The following PDXDC1 variants were observed in gnomAD, a reference collection of about 807,000 sequenced individuals.
PDXDC1 encodes the protein pyridoxal dependent decarboxylase domain containing 1, also known as pyridoxal-dependent decarboxylase domain-containing protein 1.
PDXDC1 carries 42 observed loss-of-function variants against 100.1 expected under a neutral mutation model. That is an observed-to-expected ratio of 0.42 (90% CI 0.33 to 0.54). The LOEUF (loss-of-function observed/expected upper bound fraction) is 0.54. Ranked by LOEUF, PDXDC1 falls within the 20% of genes least tolerant of loss-of-function variation. The probability of loss-of-function intolerance (pLI) is 0.10; values close to 1 mark genes in which losing one functional copy is unlikely to be tolerated. For synonymous variants in PDXDC1, 260 were observed against 371.7 expected, an observed-to-expected ratio of 0.70 and a Z score of 3.46; for missense variants, 636 against 979.2, an observed-to-expected ratio of 0.65 and a Z score of 4.68.
At position 15,131,123 on chromosome 16, in the gene PDXDC1, C is replaced by A. The variant is rs758466541; in HGVS notation, c.1400-7756C>A. ...GTATAGTTGAGCTGCAGATGCAGCA[C>A]GGCCGCAGGGTTGCTGCTGTCCAGG... On this transcript the variant is annotated intron_variant, in intron 16 of 16. Transcript: ENST00000535621. 4 of 1,604,706 alleles carry A rather than the reference C, an allele frequency of 2.5e-6. No individual in the cohort carries two copies. In the African/African-American group the frequency reaches 5.3e-5, roughly 21 times the overall value.
At chr16:14,991,698 T>A (rs1970886408) in intron 1 of PDXDC1, among the ~76,000 whole-genome samples, 1 of 152,240 alleles carries the variant, frequency 6.6e-6, no homozygotes, top group Admixed American at 6.5e-5. Context: ...TTTTTTGTAT[T>A]TTTTGTAGAG....
chr16:15,089,867 G>A (rs1401056482), intron 16 of PDXDC1, among the ~76,000 whole-genome samples: 1 of 150,942 alleles, frequency 6.6e-6, no homozygotes, highest in Admixed American at 6.6e-5. Context: ...TTAAGAAGTG[G>A]GTGGCCAACA....
chr16:14,991,771 C>CT (rs1156733703), intron 1 of PDXDC1, among the ~76,000 whole-genome samples: 3 of 152,264 alleles, frequency 2.0e-5, no homozygotes, highest in African/African-American at 7.2e-5. Context: ...ATCCTCCTTC[C>CT]TTGACCTCTC....
At chr16:15,032,608 C>A (rs2043131662) in intron 17 of PDXDC1, 1 of 350,342 alleles carries the variant, frequency 2.9e-6, no homozygotes, top group African/African-American at 2.2e-5. Context: ...GAGCCAAGAT[C>A]ATGCCACTGC....
chr16:15,101,411 G>A (rs1184313221), intron 16 of PDXDC1, among the ~76,000 whole-genome samples: 1 of 152,182 alleles, frequency 6.6e-6, no homozygotes, highest in Non-Finnish European at 1.5e-5. Context: ...CTGCCTCCAA[G>A]ATGCAAATGA....
chr16:15,080,711 T>G (rs1423462854), intron 16 of PDXDC1, among the ~76,000 whole-genome samples: 2 of 152,200 alleles, frequency 1.3e-5, no homozygotes, highest in Non-Finnish European at 2.9e-5. Context: ...CATAAGCCAC[T>G]GCGCCCAGCC....
In PDXDC1 at chr16:15,111,823, C is replaced by T. The variant is rs372552129; in HGVS notation, c.1400-27056C>T. On this transcript the variant is annotated intron_variant, in intron 16 of 16. Transcript: ENST00000535621. ...CACAACTGAACTGTACACTTCAACA[C>T]GGTTAGATGGTAATTATCATCTTGT... Among the ~76,000 whole-genome samples, 7 of 147,546 alleles carry T rather than the reference C, an allele frequency of 4.7e-5. No homozygotes were observed. The South Asian group carries it at 1.1e-3, about 23-fold the overall frequency.
chr16:14,992,889 T>A (rs140277827), intron 1 of PDXDC1, among the ~76,000 whole-genome samples: 2,185 of 152,166 alleles, frequency 0.014, 20 homozygotes, highest in Non-Finnish European at 0.024. Context: ...GGTTTTACTC[T>A]GTTCCAGGCT....
rs575700087 is a variant in PDXDC1 at position 14,980,182 on chromosome 16, G to C, written c.21+4962G>C. Among the ~76,000 whole-genome samples the C allele has an allele frequency of 6.8e-4, 104 of 152,410 alleles. 1 individual carries two copies. In the South Asian group the frequency reaches 0.021, roughly 31 times the overall value. On this transcript the variant is annotated intron_variant, in intron 1 of 22. Transcript: ENST00000396410. ...AGGGGAAGTCAGTGGCAGAGCTATT[G>C]ATGGTCCCATTTCCGTCTTTGCTCC...
the PDXDC1 span, among the ~76,000 whole-genome samples, chr16:15,146,149 G>A: frequency 1.3e-5 from 2 of 152,186 alleles, no homozygotes; most frequent in African/African-American, 4.8e-5. Flanking sequence ...TCACCCACAC[G>A]TGGGCCAGGA....
chr16:15,133,844 T>G (rs940566262), intron 16 of PDXDC1: 81 of 1,574,584 alleles, frequency 5.1e-5, no homozygotes, highest in Non-Finnish European at 6.6e-5. Context: ...CAGCGCCCAG[T>G]GGGAAGAGGC....
intron 3 of PDXDC1, among the ~76,000 whole-genome samples, chr16:14,998,796 GGTTTTA>G (rs1247330286): frequency 6.6e-6 from 1 of 152,260 alleles, no homozygotes; most frequent in Non-Finnish European, 1.5e-5. Context: ...ATTGATTTAT[GGTTTTA>G]GTTTTAATGA....
At chr16:15,151,789 G>A in the PDXDC1 span, among the ~76,000 whole-genome samples, 1 of 123,658 alleles carries the variant, frequency 8.1e-6, no homozygotes, top group Non-Finnish European at 1.9e-5. Context: ...AAATTAGCCA[G>A]GAATGGTGGT....
At chr16:15,145,576 G>A in the PDXDC1 span, among the ~76,000 whole-genome samples, 11 of 152,376 alleles carry the variant, frequency 7.2e-5, no homozygotes, top group Non-Finnish European at 1.6e-4. Context: ...GGCCAGGGCT[G>A]GGCCTTGGGA....
chr16:15,104,058 G>A (rs2046669326), intron 16 of PDXDC1, among the ~76,000 whole-genome samples: 1 of 33,976 alleles, frequency 2.9e-5, no homozygotes, highest in South Asian at 9.1e-4. Flanking sequence ...TGTGATCCCA[G>A]CTACTTGGGA....
downstream of PDXDC1, among the ~76,000 whole-genome samples, chr16:15,043,062 G>T (rs1481866532): frequency 6.6e-6 from 1 of 152,042 alleles, no homozygotes; most frequent in Non-Finnish European, 1.5e-5. Flanking sequence ...CACCATGCCT[G>T]GCTAATTTTG....
chr16:15,097,474 A>AAG (rs1035761137), intron 16 of PDXDC1, among the ~76,000 whole-genome samples: 1 of 143,990 alleles, frequency 6.9e-6, no homozygotes, highest in African/African-American at 2.7e-5. Context: ...AATACAAAAA[A>AAG]AAAAAAAAAA....
chr16:15,072,995 G>C (rs1481369573), intron 16 of PDXDC1: 1 of 1,613,704 alleles, frequency 6.2e-7, no homozygotes, highest in South Asian at 1.1e-5. Flanking sequence ...GTACATGGCA[G>C]GAGGCATGGG....
chr16:15,075,054 A>G (rs2045393447), intron 16 of PDXDC1, among the ~76,000 whole-genome samples: 1 of 152,096 alleles, frequency 6.6e-6, no homozygotes, highest in Non-Finnish European at 1.5e-5. Flanking sequence ...GTTTGAGACC[A>G]GCCTGGCCAA....
Sources: gnomAD v4.1 joint callset for allele counts (sites outside exome capture counted in the v4.1 genomes callset) on GRCh38, gnomAD v4.1.1 for gene constraint, MANE v1.5 for transcripts, NCBI Gene and HGNC (gene_info 2026-07-23, HGNC 2026-07-21) for gene names.